The following ESRP1 variants were observed in gnomAD, a reference collection of about 807,000 sequenced individuals.
ESRP1 encodes RNA-binding motif protein 35A.
A neutral mutation model predicts 81.7 loss-of-function variants in ESRP1; 33 were observed. The observed-to-expected ratio is 0.40, with a 90% CI of 0.31 to 0.54. The LOEUF (loss-of-function observed/expected upper bound fraction) is 0.54, where lower values mean the gene tolerates loss of function less well. Ranked by LOEUF, ESRP1 falls within the 20% of genes least tolerant of loss-of-function variation. The probability of loss-of-function intolerance (pLI) is 0.41; values close to 1 mark genes in which losing one functional copy is unlikely to be tolerated. For missense variants in ESRP1, 672 were observed against 833.1 expected (o/e 0.81, Z 2.38); for synonymous variants, 320 against 303.3 (o/e 1.06, Z -0.57).
rs1563535252 is a variant in ESRP1 at position 94,674,453 on chromosome 8, T to C, written c.1598T>C (p.Met533Thr). 3.7e-6 allele frequency: 6 copies of C among 1,613,904 alleles called. No homozygotes were observed. The South Asian group carries it at 6.6e-5, about 18-fold the overall frequency. The change falls in exon 12 of 16, where the codon ATG becomes ACG. Residue 533 changes from methionine (M) to threonine (T), a missense_variant. Transcript: ENST00000433389. ...CSAEEMNFVL[M>T]GGTLNRNGLS... The stretch of plus-strand genomic sequence containing the variant: ...GCTGAGGAGATGAACTTTGTGTTAA[T>C]GGGGGGCACTTTAAATCGAAATGGC...
chr8:94,664,023 C>T (rs1485234684), intron 6 of ESRP1, among the ~76,000 whole-genome samples: 2 of 151,546 alleles, frequency 1.3e-5, no homozygotes, highest in East Asian at 3.9e-4. Flanking sequence ...TTAAACCCCA[C>T]ATGTATACTG....
At chr8:94,660,463 G>A (rs1190514585) in intron 4 of ESRP1, among the ~76,000 whole-genome samples, 1 of 151,420 alleles carries the variant, frequency 6.6e-6, no homozygotes, top group Non-Finnish European at 1.5e-5. Context: ...ATGAGGTCGG[G>A]TGCAGTGGCT....
At chr8:94,645,792 G>C (rs1371317672) in intron 3 of ESRP1, among the ~76,000 whole-genome samples, 1 of 152,166 alleles carries the variant, frequency 6.6e-6, no homozygotes, top group East Asian at 1.9e-4. Context: ...AACTGAAAGG[G>C]CTGCTAGTGC....
chr8:94,674,242 A>T (rs1200685636), intron 11 of ESRP1, 66 bp from the exon 12 acceptor site: 21 of 1,531,262 alleles, frequency 1.4e-5, no homozygotes, highest in Non-Finnish European at 1.7e-5. Flanking sequence ...CATGTTTTGT[A>T]AGCAACCATT....
chr8:94,663,341 G>A (rs1818852344), intron 6 of ESRP1, among the ~76,000 whole-genome samples: 1 of 152,158 alleles, frequency 6.6e-6, no homozygotes, highest in Non-Finnish European at 1.5e-5. Flanking sequence ...CGCCTCCCGG[G>A]TTCAAGCGAT....
chr8:94,690,469 T>G (rs1207141809), intron 13 of ESRP1, among the ~76,000 whole-genome samples: 1 of 152,006 alleles, frequency 6.6e-6, no homozygotes, highest in Non-Finnish European at 1.5e-5. Context: ...TACTTTCATG[T>G]CCTGTCAGGT....
At chr8:94,670,328 A>G (rs775203576) in intron 10 of ESRP1, among the ~76,000 whole-genome samples, 1 of 152,092 alleles carries the variant, frequency 6.6e-6, no homozygotes, top group African/African-American at 2.4e-5. Context: ...CTATTACTAC[A>G]CTAATTTTCT....
At chr8:94,703,459 T>C (rs778576896) in intron 15 of ESRP1, among the ~76,000 whole-genome samples, 2 of 152,150 alleles carry the variant, frequency 1.3e-5, no homozygotes, top group African/African-American at 4.8e-5. Context: ...CTCAGTTTCA[T>C]TGTTACACAG....
At chr8:94,647,608 C>T (rs1436359939) in intron 4 of ESRP1, among the ~76,000 whole-genome samples, 2 of 152,124 alleles carry the variant, frequency 1.3e-5, no homozygotes, top group African/African-American at 4.8e-5. Context: ...TTAGACCCCT[C>T]CACCCTTTGA....
In ESRP1 at chr8:94,665,135, C is replaced by T. The variant is rs552466771; in HGVS notation, c.889-19C>T. The T allele has an allele frequency of 1.9e-6, 3 of 1,613,644 alleles. No homozygotes were observed. The highest frequency in any genetic ancestry group is 1.7e-6 in the Non-Finnish European group (2 of 1,179,764). ...AGGACGGAAGGCTCAGAAACACTAA[C>T]TTCTCTGTCTTTTCTCAGGTTTACA... is the stretch of plus-strand genomic sequence containing the variant. On this transcript the variant is annotated intron_variant, in intron 8 of 15. Coordinates refer to ENST00000433389, the MANE Select transcript of ESRP1 (RefSeq NM_017697.4).
chr8:94,693,793 G>C (rs1308787510), intron 14 of ESRP1, among the ~76,000 whole-genome samples: 1 of 152,156 alleles, frequency 6.6e-6, no homozygotes, highest in African/African-American at 2.4e-5. Context: ...TGGCATCTGT[G>C]AGTCATGGAG....
In ESRP1 at chr8:94,678,283, A is replaced by AT; in HGVS notation, c.1736dup (p.Leu579PhefsTer35). On this transcript the variant is annotated frameshift_variant, in exon 13 of 16. Coordinates refer to ENST00000433389, the MANE Select transcript of ESRP1 (RefSeq NM_017697.4). LOFTEE classifies it high-confidence loss of function. Reference sequence around the variant, plus strand: ...AGCTGCCATTTACCAGCCCTCTGTGATTTTGAATCCACGAGCACTGCAGCC... The same window carrying AT: ...AGCTGCCATTTACCAGCCCTCTGTGATTTTTGAATCCACGAGCACTGCAGCC... 6.2e-7 allele frequency: 1 copy of AT among 1,613,900 alleles called. No individual in the cohort carries two copies. Among genetic ancestry groups the AT allele is most frequent in the Non-Finnish European group, 8.5e-7 (1 of 1,179,888 alleles).
intron 14 of ESRP1, among the ~76,000 whole-genome samples, chr8:94,694,551 C>G (rs1405025321): frequency 6.6e-6 from 1 of 152,156 alleles, no homozygotes; most frequent in African/African-American, 2.4e-5. Flanking sequence ...TTACAGTGAG[C>G]CAAGATCACT....
rs534815637 is a variant in ESRP1, at chr8:94,705,966, A to G, written c.*77A>G. 2 of 1,526,534 alleles carry G rather than the reference A, an allele frequency of 1.3e-6. No individual in the cohort carries two copies. Among genetic ancestry groups the G allele is most frequent in the East Asian group, 4.9e-5 (2 of 40,770 alleles). The allele number at this position is 1,526,534 out of a possible 1,614,324, so 94.6% of individuals were successfully genotyped here. A position where few individuals can be genotyped will look rare whatever the true frequency, so the allele number is the denominator to read the frequency against. On this transcript the variant is annotated 3_prime_UTR_variant, in exon 16 of 16. Transcript: ENST00000433389. ...GGTGATCTTGAAACCTCCAGACACA[A>G]GAAAACTTCTAGCAAATTCAGGGGA...
rs1432958049 is a variant in ESRP1, at chr8:94,706,467, G to T, written c.*578G>T. Reference sequence around the variant, plus strand: ...TCTCTTGGCCATGATGATATCTTATGATTAAAAACAAATTAAATTTTAAAA... The same window carrying T: ...TCTCTTGGCCATGATGATATCTTATTATTAAAAACAAATTAAATTTTAAAA... On this transcript the variant is annotated 3_prime_UTR_variant, in exon 16 of 16. Coordinates refer to ENST00000433389, the MANE Select transcript of ESRP1 (RefSeq NM_017697.4). The T allele has an allele frequency of 2.0e-5, 3 of 152,572 alleles. No individual in the cohort carries two copies. Among genetic ancestry groups the T allele is most frequent in the Non-Finnish European group, 2.9e-5 (2 of 68,200 alleles). The allele number at this position is 152,572 out of a possible 1,614,324, so 9.5% of individuals were successfully genotyped here.
chr8:94,697,050 CTTCTT>C, intron 15 of ESRP1, 89 bp downstream of exon 15: 1 of 842,202 alleles, frequency 1.2e-6, no homozygotes, highest in East Asian at 2.7e-5. Context: ...TGAGAGAATC[CTTCTT>C]TTCTTTAGTG....
At chr8:94,689,714 C>T (rs1191147895) in intron 13 of ESRP1, among the ~76,000 whole-genome samples, 1 of 150,920 alleles carries the variant, frequency 6.6e-6, no homozygotes, top group East Asian at 1.9e-4. Context: ...TGCAGCCGAT[C>T]TTGGCCCACT....
At chr8:94,699,262 C>T (rs989027961) in intron 15 of ESRP1, among the ~76,000 whole-genome samples, 2 of 151,990 alleles carry the variant, frequency 1.3e-5, no homozygotes, top group Admixed American at 6.6e-5. Flanking sequence ...AATAACAGAT[C>T]GGGCGCTGTG....
chr8:94,694,780 T>C (rs980779929), intron 14 of ESRP1, among the ~76,000 whole-genome samples: 1 of 152,248 alleles, frequency 6.6e-6, no homozygotes, highest in African/African-American at 2.4e-5. Flanking sequence ...AAGGTTGGAA[T>C]AGAGTTGTCT....
Sources: allele counts gnomAD v4.1 joint callset (sites outside exome capture counted in the v4.1 genomes callset), GRCh38; gene constraint gnomAD v4.1.1; transcripts MANE v1.5; gene names NCBI Gene and HGNC (gene_info 2026-07-23, HGNC 2026-07-21).